The following LYRM4 variants were observed in gnomAD, a reference collection of about 807,000 sequenced individuals.
The protein encoded by LYRM4 is LYR motif containing 4, also known as LYR motif-containing protein 4.
LYRM4 carries 9 observed loss-of-function variants against 11.7 expected under a neutral mutation model. The observed-to-expected ratio is 0.77, with a 90% CI of 0.46 to 1.34. LYRM4 has a LOEUF of 1.34. LYRM4 is among the 40% of genes most tolerant of loss of function. LYRM4 has a pLI of 0.00. For synonymous variants in LYRM4, 42 were observed against 40.4 expected, an observed-to-expected ratio of 1.04 and a Z score of -0.15; for missense variants, 133 against 112.5, an observed-to-expected ratio of 1.18 and a Z score of -0.82.
At chr6:5,083,655 T>A in the LYRM4 span, among the ~76,000 whole-genome samples, 1 of 152,222 alleles carries the variant, frequency 6.6e-6, no homozygotes, top group Non-Finnish European at 1.5e-5. Context: ...TCCTATTTCA[T>A]GGACAGGACA....
chr6:5,148,518 G>GGGGCGCAGAGTCAGAACTCT (rs1321881105), intron 2 of LYRM4, among the ~76,000 whole-genome samples: 7 of 54,412 alleles, frequency 1.3e-4, no homozygotes, highest in South Asian at 1.0e-3. Flanking sequence ...AGCTGGGCTG[G>GGGGCGCAGAGTCAGAACTCT]GTATACGCCT....
chr6:5,176,644 T>TA (rs1305642814), intron 2 of LYRM4, among the ~76,000 whole-genome samples: 2 of 152,232 alleles, frequency 1.3e-5, no homozygotes, highest in Non-Finnish European at 2.9e-5. Context: ...TCTTGGCTGT[T>TA]ACTGAGGCCT....
At chr6:5,053,472 GAGAA>G in the LYRM4 span, among the ~76,000 whole-genome samples, 1 of 151,958 alleles carries the variant, frequency 6.6e-6, no homozygotes, top group Admixed American at 6.6e-5. Context: ...GAGATGGAAA[GAGAA>G]AGAAAACTGG....
At chr6:5,171,444 T>C (rs1370795288) in intron 2 of LYRM4, among the ~76,000 whole-genome samples, 1 of 152,238 alleles carries the variant, frequency 6.6e-6, no homozygotes, top group Non-Finnish European at 1.5e-5. Context: ...CTCCAGTTTA[T>C]ACCTCTTGCC....
intron 2 of LYRM4, among the ~76,000 whole-genome samples, chr6:5,149,553 T>G (rs1480965330): frequency 1.3e-5 from 2 of 151,530 alleles, no homozygotes; most frequent in African/African-American, 4.9e-5. Context: ...CAGAGAGATA[T>G]TCTCCAAAAT....
At chr6:5,114,029 A>C (rs1232698452) in intron 2 of LYRM4, among the ~76,000 whole-genome samples, 3 of 151,974 alleles carry the variant, frequency 2.0e-5, no homozygotes, top group Admixed American at 6.6e-5. Context: ...CACTCTCCAG[A>C]CTCCTGTGCA....
At chr6:5,202,300 G>A (rs775098907) in intron 2 of LYRM4, among the ~76,000 whole-genome samples, 2 of 152,210 alleles carry the variant, frequency 1.3e-5, no homozygotes, top group Non-Finnish European at 2.9e-5. Context: ...TGAAGGGTTT[G>A]TGTGTCTACA....
intron 2 of LYRM4, among the ~76,000 whole-genome samples, chr6:5,154,769 G>A (rs576532466): frequency 3.7e-4 from 56 of 152,006 alleles, no homozygotes; most frequent in East Asian, 9.7e-4. Context: ...CAGTGAGCCG[G>A]GATCGCGCCA....
chr6:5,152,772 C>T (rs1758164379), intron 2 of LYRM4, among the ~76,000 whole-genome samples: 1 of 152,176 alleles, frequency 6.6e-6, no homozygotes, highest in Non-Finnish European at 1.5e-5. Flanking sequence ...TCTTGGGCCT[C>T]CTCTGTTGTT....
the LYRM4 span, among the ~76,000 whole-genome samples, chr6:5,069,337 AAAAC>A: frequency 6.6e-6 from 1 of 151,026 alleles, no homozygotes; most frequent in Non-Finnish European, 1.5e-5. Context: ...AATTTGTTAA[AAAAC>A]AAGAGTAATA....
the LYRM4 span, chr6:5,086,107 G>A: frequency 6.8e-7 from 1 of 1,462,060 alleles, no homozygotes; most frequent in Non-Finnish European, 9.0e-7. Context: ...GGGGCCGAGC[G>A]CCGCGGCCGA....
intron 1 of LYRM4, among the ~76,000 whole-genome samples, chr6:5,217,201 A>G (rs1209988039): frequency 6.6e-6 from 1 of 152,228 alleles, no homozygotes; most frequent in African/African-American, 2.4e-5. Context: ...TCGTATTTGC[A>G]TGTACCCAGA....
the LYRM4 span, among the ~76,000 whole-genome samples, chr6:5,080,493 G>T: frequency 6.6e-6 from 1 of 152,178 alleles, no homozygotes; most frequent in Non-Finnish European, 1.5e-5. Context: ...AAGCTGTAAG[G>T]CCTGGTTTTG....
At chr6:5,206,543 G>A (rs1014471883) in intron 2 of LYRM4, among the ~76,000 whole-genome samples, 7 of 152,128 alleles carry the variant, frequency 4.6e-5, no homozygotes, top group South Asian at 2.1e-4. Flanking sequence ...AAGGGATCTT[G>A]GAAACCAATA....
intron 2 of LYRM4, among the ~76,000 whole-genome samples, chr6:5,143,046 C>T (rs756711621): frequency 1.3e-4 from 20 of 152,220 alleles, no homozygotes; most frequent in Non-Finnish European, 2.5e-4. Flanking sequence ...CCAGCCTCTC[C>T]GGAAGTTGGG....
At chr6:5,164,882 C>T (rs1383174318) in intron 2 of LYRM4, among the ~76,000 whole-genome samples, 6 of 149,650 alleles carry the variant, frequency 4.0e-5, no homozygotes, top group African/African-American at 4.9e-5. Context: ...GCAGGAGAAT[C>T]GCTTGAACCT....
intron 2 of LYRM4, among the ~76,000 whole-genome samples, chr6:5,166,180 A>T (rs1382217417): frequency 6.6e-6 from 1 of 152,214 alleles, no homozygotes; most frequent in African/African-American, 2.4e-5. Flanking sequence ...TAAAAACTTA[A>T]AATTTTTTAA....
chr6:5,229,470 G>A (rs551399131), intron 1 of LYRM4, among the ~76,000 whole-genome samples: 1 of 152,072 alleles, frequency 6.6e-6, no homozygotes, highest in South Asian at 2.1e-4. Context: ...GCAACATAAG[G>A]GCAAAGAGGG....
At chr6:5,162,511 G>GAGAAAGAGAGAGAA (rs1554133082) in intron 2 of LYRM4, among the ~76,000 whole-genome samples, 4 of 147,630 alleles carry the variant, frequency 2.7e-5, no homozygotes, top group African/African-American at 1.0e-4. Flanking sequence ...GAGAGAGAGA[G>GAGAAAGAGAGAGAA]AGAGAGAGAG....
Sources: gnomAD v4.1 joint callset for allele counts (sites outside exome capture counted in the v4.1 genomes callset) on GRCh38, gnomAD v4.1.1 for gene constraint, MANE v1.5 for transcripts, NCBI Gene and HGNC (gene_info 2026-07-23, HGNC 2026-07-21) for gene names.